The following ZP3 variants were observed in gnomAD, a reference collection of about 807,000 sequenced individuals.
The protein encoded by ZP3 is zona pellucida sperm-binding protein 3.
Under a neutral mutation model 35.6 loss-of-function variants are expected in ZP3, and 21 were observed. The ratio of observed to expected loss-of-function variants is 0.59; its 90% CI spans 0.42 to 0.85. The LOEUF (loss-of-function observed/expected upper bound fraction) is 0.85, where lower values mean the gene tolerates loss of function less well. Ranked by LOEUF, ZP3 falls within the 40% of genes least tolerant of loss-of-function variation. The probability of loss-of-function intolerance (pLI) is 0.00; values close to 1 mark genes in which losing one functional copy is unlikely to be tolerated. For missense variants in ZP3, 437 were observed against 536.5 expected (o/e 0.81, Z 1.83); for synonymous variants, 207 against 214.5 (o/e 0.96, Z 0.31).
In ZP3 at chr7:76,406,291, T is replaced by A. The variant is rs1281955335; in HGVS notation, c.-67+8494T>A. Reference sequence around the variant, plus strand: ...CCGCACCTGGTCTGTGCATTCGAAATATAGTATTGGTGCCACGGACAGCAA... The same window carrying A: ...CCGCACCTGGTCTGTGCATTCGAAAAATAGTATTGGTGCCACGGACAGCAA... On this transcript the variant is annotated intron_variant, in intron 1 of 8. Coordinates refer to the ZP3 transcript ENST00000336517. Among the ~76,000 whole-genome samples, 6 of 152,268 alleles carry A rather than the reference T, an allele frequency of 3.9e-5. No individual in the cohort carries two copies. In the East Asian group the frequency reaches 1.2e-3, roughly 29 times the overall value.
At chr7:76,429,415 C>T (rs935208217) in intron 1 of ZP3, 100 bp from the exon 2 acceptor site, 5 of 1,121,596 alleles carry the variant, frequency 4.5e-6, no homozygotes, top group Admixed American at 3.4e-5. Context: ...TGTGGTCTTT[C>T]TGTCCCCTTG....
chr7:76,400,150 G>A, intron 1 of ZP3: 1 of 1,002,350 alleles, frequency 1.0e-6, no homozygotes, highest in South Asian at 4.7e-5. Context: ...TTCTTCCCTG[G>A]CACCAGGCAT....
intron 5 of ZP3, among the ~76,000 whole-genome samples, chr7:76,436,017 C>T (rs1638145): frequency 1.7e-4 from 24 of 141,570 alleles, no homozygotes; most frequent in African/African-American, 3.0e-4. Context: ...AACCACCACG[C>T]GCCCCCCGCC....
At chr7:76,416,875 T>C (rs1432224610) in intron 1 of ZP3, among the ~76,000 whole-genome samples, 4 of 141,052 alleles carry the variant, frequency 2.8e-5, no homozygotes, top group Non-Finnish European at 5.9e-5. Flanking sequence ...CACACATATA[T>C]ACACACATAC....
rs555948601 is a variant in ZP3, at chr7:76,432,436, G to A, written c.432-491G>A. 7.2e-5 allele frequency among the ~76,000 whole-genome samples: 11 copies of A among 152,066 alleles called. No individual in the cohort carries two copies. In the East Asian group the frequency reaches 1.7e-3, roughly 24 times the overall value. On this transcript the variant is annotated intron_variant, in intron 2 of 7. Coordinates refer to ENST00000394857, the MANE Select transcript of ZP3 (RefSeq NM_001110354.2). ...CCTGACCTCATGATCCGCCCGCCTCGGCCTCTCAAACTGCTGGGATTATAG... is the reference window on the plus strand; with the variant it reads ...CCTGACCTCATGATCCGCCCGCCTCAGCCTCTCAAACTGCTGGGATTATAG...
At chr7:76,397,962 G>A in intron 1 of ZP3, 5 of 957,912 alleles carry the variant, frequency 5.2e-6, no homozygotes, top group African/African-American at 1.7e-5. Context: ...CCAGGGTACC[G>A]CCTCCTTGGT....
At chr7:76,410,270 A>T (rs1280167265) in intron 1 of ZP3, among the ~76,000 whole-genome samples, 1 of 151,634 alleles carries the variant, frequency 6.6e-6, no homozygotes, top group East Asian at 1.9e-4. Context: ...ACCTCAAGGG[A>T]TCCGCCTGCC....
intron 1 of ZP3, among the ~76,000 whole-genome samples, chr7:76,404,735 T>C (rs897249555): frequency 2.0e-5 from 3 of 150,644 alleles, no homozygotes; most frequent in Non-Finnish European, 3.0e-5. Context: ...GATCGAGATA[T>C]AGCCTGGGTA....
chr7:76,433,172 T>TGGTTGGTTTTGGTTGGTTTTGGTTGG (rs1563701424), intron 3 of ZP3, 142 bp downstream of exon 3: 16 of 786,200 alleles, frequency 2.0e-5, no homozygotes, highest in East Asian at 8.0e-5. Flanking sequence ...TGGTTGGTTT[T>TGGTTGGTTTTGGTTGGTTTTGGTTGG]TGAGACAGTC....
intron 1 of ZP3, among the ~76,000 whole-genome samples, chr7:76,414,635 GC>G: frequency 6.8e-6 from 1 of 147,256 alleles, no homozygotes; most frequent in Non-Finnish European, 1.5e-5. Context: ...ACCTTCTCAT[GC>G]AGGAACAGAC....
chr7:76,430,468 G>T (rs188435164), intron 2 of ZP3, among the ~76,000 whole-genome samples: 37 of 152,126 alleles, frequency 2.4e-4, no homozygotes, highest in African/African-American at 8.4e-4. Context: ...AGGTATGGTG[G>T]CTCACGCCTG....
At position 76,433,693 on chromosome 7, in the gene ZP3, C is replaced by A. The variant is rs771671265; in HGVS notation, c.713+46C>A. The A allele has an allele frequency of 2.3e-5, 36 of 1,546,440 alleles. No individual in the cohort carries two copies. The East Asian group carries it at 7.0e-4, about 30-fold the overall frequency. Reference sequence around the variant, plus strand: ...CTAGAGAACCTTCCTAGCAAAATGACCCTAAAGCCACCTGTTTGGCTTTTT... The same window carrying A: ...CTAGAGAACCTTCCTAGCAAAATGAACCTAAAGCCACCTGTTTGGCTTTTT... On this transcript the variant is annotated intron_variant, in intron 4 of 7. Transcript: ENST00000394857.
At chr7:76,429,237 AC>A (rs1392920451) in intron 1 of ZP3, 1 of 419,450 alleles carries the variant, frequency 2.4e-6, no homozygotes, top group East Asian at 4.7e-5. Context: ...CAAAGACAGT[AC>A]CTGTCCTGCC....
In ZP3 at chr7:76,415,364, C is replaced by CAAAAAAAAAAAAAAAAAAAAAAAAAA. The variant is rs528001072; in HGVS notation, c.-66-9673_-66-9672insAAAAAAAAAAAAAAAAAAAAAAAAAA. Among the ~76,000 whole-genome samples, 118 of 63,486 alleles carry CAAAAAAAAAAAAAAAAAAAAAAAAAA rather than the reference C, an allele frequency of 1.9e-3. 8 individuals are homozygous for CAAAAAAAAAAAAAAAAAAAAAAAAAA. Among genetic ancestry groups the CAAAAAAAAAAAAAAAAAAAAAAAAAA allele is most frequent in the East Asian group, 4.1e-3 (7 of 1,700 alleles). The allele number at this position is 63,486 out of a possible 152,430, so 41.6% of individuals were successfully genotyped here. A position where few individuals can be genotyped will look rare whatever the true frequency, so the allele number is the denominator to read the frequency against. On this transcript the variant is annotated intron_variant, in intron 1 of 8. Transcript: ENST00000336517. ...CTGGCGATAGAGTGAGACTCCGTCT[C>CAAAAAAAAAAAAAAAAAAAAAAAAAA]AAAAAAAAAAAAAAAGGTCTGGAAT...
At position 76,411,106 on chromosome 7, in the gene ZP3, T is replaced by C. The variant is rs547051758; in HGVS notation, c.-67+13309T>C. On this transcript the variant is annotated intron_variant, in intron 1 of 8. Coordinates refer to the ZP3 transcript ENST00000336517. ...CCCGCACCTGTCCTTCCTCCCTCCC[T>C]CCTCCCCTGGCCTGGGGAAGCCCCT... Among the ~76,000 whole-genome samples the C allele has an allele frequency of 7.9e-3, 1,182 of 150,262 alleles. 25 individuals carry two copies. Among genetic ancestry groups the C allele is most frequent in the African/African-American group, 0.027 (1,106 of 40,792 alleles).
intron 1 of ZP3, among the ~76,000 whole-genome samples, chr7:76,398,202 CT>C (rs1227457088): frequency 3.9e-5 from 6 of 152,048 alleles, no homozygotes; most frequent in African/African-American, 1.2e-4. Context: ...CACTGTCCCT[CT>C]TTTAGAGCAC....
At chr7:76,436,050 T>TCC (rs1584070739) in intron 5 of ZP3, among the ~76,000 whole-genome samples, 302 of 61,144 alleles carry the variant, frequency 4.9e-3, no homozygotes, top group South Asian at 0.01. Context: ...TTTTTTTTTT[T>TCC]TTTTTTTTTT....
chr7:76,433,738 AC>A, intron 4 of ZP3, 91 bp downstream of exon 4: 1 of 1,367,770 alleles, frequency 7.3e-7, no homozygotes. Flanking sequence ...TCACTCTGTA[AC>A]CCAGGCTGGA....
intron 4 of ZP3, 101 bp from the exon 5 acceptor site, chr7:76,433,937 G>A: frequency 1.5e-6 from 1 of 652,544 alleles, no homozygotes; most frequent in Non-Finnish European, 2.7e-6. Context: ...GACCTCAAGT[G>A]ATCCACCCAC....
Sources: allele counts gnomAD v4.1 joint callset (sites outside exome capture counted in the v4.1 genomes callset), GRCh38; gene constraint gnomAD v4.1.1; transcripts MANE v1.5; gene names NCBI Gene and HGNC (gene_info 2026-07-23, HGNC 2026-07-21).